The following KCNMA1 variants were observed in gnomAD, a reference collection of about 807,000 sequenced individuals.
The protein encoded by KCNMA1 is potassium calcium-activated channel subfamily M alpha 1, also known as Calcium-activated potassium channel subunit alpha-1.
KCNMA1 carries 29 observed loss-of-function variants against 140.0 expected under a neutral mutation model. That is an observed-to-expected ratio of 0.21 (90% CI 0.15 to 0.28). The LOEUF is 0.28. KCNMA1 is among the 10% of genes least tolerant of loss of function. The pLI is 1.00. For missense variants in KCNMA1, 880 were observed against 1,602.2 expected (o/e 0.55, Z 7.70); for synonymous variants, 612 against 611.9 (o/e 1.00, Z 0.00).
At chr10:77,357,294 G>T (rs901881026) in intron 2 of KCNMA1, among the ~76,000 whole-genome samples, 4 of 152,212 alleles carry the variant, frequency 2.6e-5, no homozygotes, top group Non-Finnish European at 5.9e-5. Context: ...GATACATGCA[G>T]TTCCTCAGGT....
At chr10:77,295,912 T>G in intron 2 of KCNMA1, among the ~76,000 whole-genome samples, 2 of 147,132 alleles carry the variant, frequency 1.4e-5, no homozygotes, top group South Asian at 4.2e-4. Context: ...TAACTTTTTT[T>G]TATTTTTACA....
intron 3 of KCNMA1, among the ~76,000 whole-genome samples, chr10:77,227,023 AG>A (rs1277534376): frequency 6.6e-6 from 1 of 152,154 alleles, no homozygotes; most frequent in Non-Finnish European, 1.5e-5. Context: ...TTTTTATATA[AG>A]CTGACTTCCC....
At chr10:77,323,631 A>C (rs529416160) in intron 2 of KCNMA1, among the ~76,000 whole-genome samples, 3 of 152,376 alleles carry the variant, frequency 2.0e-5, no homozygotes, top group Admixed American at 2.0e-4. Context: ...AGTGATATCA[A>C]TGTGCATATA....
Position 77,613,095 on chromosome 10 carries a change from C to T in KCNMA1, c.378+24170G>A, listed in dbSNP as rs141316570. On this transcript the variant is annotated intron_variant, in intron 1 of 27. Transcript: ENST00000286628. ...TGTGTGGCCCTCCCCAAAACCCCAC[C>T]ACCAGGTGATTTCTTAACCTCTATG... 9.2e-3 allele frequency among the ~76,000 whole-genome samples: 1,401 copies of T among 152,324 alleles called. 6 individuals are homozygous for T. The highest frequency in any genetic ancestry group is 0.015 in the Non-Finnish European group (1,046 of 68,032).
intron 2 of KCNMA1, among the ~76,000 whole-genome samples, chr10:77,387,559 T>TCTTTC (rs2095651605): frequency 6.7e-6 from 1 of 149,846 alleles, no homozygotes; most frequent in African/African-American, 2.5e-5. Flanking sequence ...TCTTTTCTTT[T>TCTTTC]TCTTTTCTTT....
downstream of KCNMA1, among the ~76,000 whole-genome samples, chr10:76,881,690 C>T (rs186526981): frequency 4.5e-4 from 68 of 152,234 alleles, no homozygotes; most frequent in African/African-American, 1.6e-3. Flanking sequence ...AAGCATGGGT[C>T]GTACCTCTTG....
chr10:77,108,316 C>T lies in KCNMA1; in HGVS notation c.1223+165G>A. The T allele has an allele frequency of 6.6e-7, 1 of 1,524,562 alleles. No individual in the cohort carries two copies. The highest frequency in any genetic ancestry group is 8.7e-7 in the Non-Finnish European group (1 of 1,144,410). The allele number at this position is 1,524,562 out of a possible 1,614,324, so 94.4% of individuals were successfully genotyped here. On this transcript the variant is annotated intron_variant, in intron 9 of 27. Coordinates refer to ENST00000286628, the MANE Select transcript of KCNMA1 (RefSeq NM_001161352.2). The surrounding 1 kb of genome is among the most constrained non-coding windows in gnomAD (Gnocchi z 4.6). ...GCCTCCATGTTTGTTAAAAGTCCCG[C>T]CGAATTTATTCCGACTCAGGATGAG...
At chr10:77,072,047 A>G (rs540033816) in intron 14 of KCNMA1, among the ~76,000 whole-genome samples, 1 of 152,326 alleles carries the variant, frequency 6.6e-6, no homozygotes, top group Admixed American at 6.5e-5. Flanking sequence ...CATGACAGCA[A>G]AAGGCAGGAG....
At chr10:77,190,723 T>C (rs76763981) in intron 3 of KCNMA1, among the ~76,000 whole-genome samples, 8,243 of 152,268 alleles carry the variant, frequency 0.054, 297 homozygotes, top group Middle Eastern at 0.095. Flanking sequence ...GACTGTCATG[T>C]GGGACACTAA....
intron 1 of KCNMA1, among the ~76,000 whole-genome samples, chr10:77,501,639 C>A (rs1208400795): frequency 6.6e-6 from 1 of 152,176 alleles, no homozygotes; most frequent in Non-Finnish European, 1.5e-5. Flanking sequence ...GACTGCAGAG[C>A]TGAGCAGAGG....
intron 14 of KCNMA1, among the ~76,000 whole-genome samples, chr10:77,062,025 A>C (rs1223272542): frequency 6.6e-6 from 1 of 152,196 alleles, no homozygotes; most frequent in Non-Finnish European, 1.5e-5. Flanking sequence ...ACTGTACAGC[A>C]TGAGGGAATT....
chr10:76,981,983 C>G (rs2079632771), intron 19 of KCNMA1, among the ~76,000 whole-genome samples: 1 of 152,114 alleles, frequency 6.6e-6, no homozygotes, highest in African/African-American at 2.4e-5. Flanking sequence ...GGTTCTAGGC[C>G]TGCCTTGGAT....
At chr10:77,256,141 A>G (rs1170181299) in intron 2 of KCNMA1, among the ~76,000 whole-genome samples, 3 of 152,196 alleles carry the variant, frequency 2.0e-5, no homozygotes, top group African/African-American at 7.2e-5. Context: ...ACTTCAGGAA[A>G]AAGGCAGATT....
chr10:76,949,635 A>G (rs1176800746), intron 21 of KCNMA1, among the ~76,000 whole-genome samples: 5 of 152,242 alleles, frequency 3.3e-5, no homozygotes, highest in African/African-American at 1.2e-4. Context: ...TAAGAAAGGT[A>G]TGCCATAAAT....
In KCNMA1 at chr10:76,887,497, C is replaced by A. The variant is rs202172473; in HGVS notation, c.3480G>T (p.Pro1160=). The A allele has an allele frequency of 2.5e-6, 4 of 1,613,930 alleles. No homozygotes were observed. Among genetic ancestry groups the A allele is most frequent in the East Asian group, 4.5e-5 (2 of 44,862 alleles). Residue 1160 remains proline (P), a synonymous_variant, in exon 28 of 28, where the codon CCG becomes CCT. Coordinates refer to ENST00000286628, the MANE Select transcript of KCNMA1 (RefSeq NM_001161352.2). ...QCTKRYVITN[P]PYEFELVPTD... ...TCGGCACGAGCTCAAACTCATAGGGCGGGTTGGTGATGACATACCTGGACA... is the reference window on the plus strand; with the variant it reads ...TCGGCACGAGCTCAAACTCATAGGGAGGGTTGGTGATGACATACCTGGACA...
intron 14 of KCNMA1, among the ~76,000 whole-genome samples, chr10:77,053,359 T>C (rs1372901706): frequency 1.3e-5 from 2 of 152,214 alleles, no homozygotes; most frequent in Non-Finnish European, 2.9e-5. Flanking sequence ...ATCTTCACTG[T>C]TGCAGAGGAC....
At chr10:76,938,229 T>C (rs1462673780) in intron 23 of KCNMA1, among the ~76,000 whole-genome samples, 1 of 152,180 alleles carries the variant, frequency 6.6e-6, no homozygotes, top group East Asian at 1.9e-4. Context: ...GGACTTCATT[T>C]CCACCCTTCA....
chr10:76,894,562 C>G (rs908257853), intron 25 of KCNMA1, among the ~76,000 whole-genome samples: 5 of 152,072 alleles, frequency 3.3e-5, no homozygotes, highest in South Asian at 2.1e-4. Flanking sequence ...AATGAGAGAG[C>G]ATGTTTGCAA....
chr10:77,575,229 C>G (rs2073635736), intron 1 of KCNMA1, among the ~76,000 whole-genome samples: 1 of 152,156 alleles, frequency 6.6e-6, no homozygotes, highest in Non-Finnish European at 1.5e-5. Flanking sequence ...AGCATCAGCT[C>G]CCTGAATACA....
Sources: allele counts gnomAD v4.1 joint callset (sites outside exome capture counted in the v4.1 genomes callset), GRCh38; gene constraint gnomAD v4.1.1; non-coding constraint Gnocchi (gnomAD v3.1); transcripts MANE v1.5; gene names NCBI Gene and HGNC (gene_info 2026-07-23, HGNC 2026-07-21).